Variants in ZC3H6 observed in about 807,000 individuals in gnomAD.
ZC3H6 encodes the protein zinc finger CCCH-type containing 6.
A neutral mutation model predicts 107.7 loss-of-function variants in ZC3H6; 40 were observed. The observed-to-expected ratio is 0.37, with a 90% CI of 0.29 to 0.48. The LOEUF (loss-of-function observed/expected upper bound fraction) is 0.48, where lower values mean the gene tolerates loss of function less well. Ranked by LOEUF, ZC3H6 falls within the 20% of genes least tolerant of loss-of-function variation. The probability of loss-of-function intolerance (pLI) is 0.98; values close to 1 mark genes in which losing one functional copy is unlikely to be tolerated. For synonymous variants in ZC3H6, 493 were observed against 487.9 expected (o/e 1.01, Z -0.14); for missense variants, 1,267 against 1,410.4 (o/e 0.90, Z 1.63).
intron 11 of ZC3H6, among the ~76,000 whole-genome samples, chr2:112,326,600 C>G (rs1019712906): frequency 6.6e-6 from 1 of 151,882 alleles, no homozygotes; most frequent in Non-Finnish European, 1.5e-5. Flanking sequence ...TTTTCTTTAT[C>G]CATTGTCTGT....
chr2:112,328,938 CA>C (rs11317176), intron 11 of ZC3H6, among the ~76,000 whole-genome samples: 62,095 of 115,064 alleles, frequency 0.54, 14,224 homozygotes, highest in East Asian at 0.75. Flanking sequence ...GACTCTGTCT[CA>C]AAAAAAAAAA....
chr2:112,278,282 T>C (rs1686464906), intron 1 of ZC3H6, among the ~76,000 whole-genome samples: 1 of 152,246 alleles, frequency 6.6e-6, no homozygotes, highest in South Asian at 2.1e-4. Context: ...TGAAACTTGG[T>C]ATATGGAGCT....
In ZC3H6 at chr2:112,324,275, A is replaced by G; in HGVS notation, c.1464A>G (p.Gly488=). ...SPGPGPNMSQ[G]HSSPVMHPGS... Reference sequence around the variant, plus strand: ...GTCCTGGACCTAACATGTCTCAGGGACACAGTAGTCCTGTGATGCACCCAG... The same window carrying G: ...GTCCTGGACCTAACATGTCTCAGGGGCACAGTAGTCCTGTGATGCACCCAG... The change falls in exon 10 of 12, where the codon GGA becomes GGG. Residue 488 remains glycine, a synonymous_variant. Transcript: ENST00000409871. The G allele has an allele frequency of 6.2e-7, 1 of 1,613,976 alleles. No homozygotes were observed.
chr2:112,311,392 T>TAA (rs1419028710), intron 4 of ZC3H6, among the ~76,000 whole-genome samples: 1 of 152,334 alleles, frequency 6.6e-6, no homozygotes, highest in South Asian at 2.1e-4. Context: ...TTCCTGGAGA[T>TAA]ATATGTGTAT....
At chr2:112,276,393 C>T (rs1227381812) in intron 1 of ZC3H6, among the ~76,000 whole-genome samples, 1 of 151,810 alleles carries the variant, frequency 6.6e-6, no homozygotes, top group East Asian at 1.9e-4. Context: ...CAGATAGGAC[C>T]AGCCAGGAAT....
rs905065630 is a variant in ZC3H6 at position 112,338,657 on chromosome 2, T to A, written c.*6169T>A. ...CCATACTTCTTGGCTCATTACTGAT[T>A]TTAATACCTTCATGAGAGTATTAAG... On this transcript the variant is annotated 3_prime_UTR_variant, in exon 12 of 12. Coordinates refer to ENST00000409871, the MANE Select transcript of ZC3H6 (RefSeq NM_198581.3). 6.6e-6 allele frequency: 1 copy of A among 151,962 alleles called. No individual in the cohort carries two copies. Among genetic ancestry groups the A allele is most frequent in the Non-Finnish European group, 1.5e-5 (1 of 67,978 alleles). 9.4% of individuals were successfully genotyped at this position (151,962 alleles called of 1,614,324 possible).
rs565501945 is a variant in ZC3H6 at position 112,331,669 on chromosome 2, A to C, written c.2751A>C (p.Thr917=). 1.9e-6 allele frequency: 3 copies of C among 1,613,972 alleles called. No homozygotes were observed. In the East Asian group the frequency reaches 6.7e-5, roughly 36 times the overall value. The change falls in exon 12 of 12, where the codon ACA becomes ACC. Residue 917 remains threonine (T), a synonymous_variant. Coordinates refer to ENST00000409871, the MANE Select transcript of ZC3H6 (RefSeq NM_198581.3). The part of the protein sequence containing the change: ...ADQRLNRLWN[T]KSDLHQNTVS... Reference sequence around the variant, plus strand: ...AGAGGCTAAATAGATTATGGAATACAAAAAGTGATCTTCATCAAAATACAG... The same window carrying C: ...AGAGGCTAAATAGATTATGGAATACCAAAAGTGATCTTCATCAAAATACAG...
At position 112,331,968 on chromosome 2, in the gene ZC3H6, G is replaced by A; in HGVS notation, c.3050G>A (p.Gly1017Asp). The change falls in exon 12 of 12, where the codon GGT becomes GAT. Residue 1017 changes from glycine to aspartate, a missense_variant. Around this residue, in one of 3 missense-constraint regions of ZC3H6, gnomAD observed 925 missense variants for 1,025.7 expected, o/e 0.90. Transcript: ENST00000409871. ...TCAGGGGCAGGAACTAGCAATTCTG[G>A]TTCCGGGGCTCTGCCTCCATATGCC... is the stretch of plus-strand genomic sequence containing the variant. ...QPSGAGTSNS[G>D]SGALPPYAPK... 1.2e-6 allele frequency: 2 copies of A among 1,613,950 alleles called. No homozygotes were observed. Among genetic ancestry groups the A allele is most frequent in the Non-Finnish European group, 1.7e-6 (2 of 1,179,908 alleles).
chr2:112,330,120 T>G (rs1051881331), intron 11 of ZC3H6, among the ~76,000 whole-genome samples: 1 of 151,594 alleles, frequency 6.6e-6, no homozygotes, highest in Non-Finnish European at 1.5e-5. Context: ...TGGCTAGATC[T>G]CAGCTCACTG....
rs1330287713 is a variant in ZC3H6 at position 112,338,912 on chromosome 2, T to A, written c.*6424T>A. The A allele has an allele frequency of 2.7e-5, 3 of 109,602 alleles. No individual in the cohort carries two copies. Among genetic ancestry groups the A allele is most frequent in the African/African-American group, 6.0e-5 (2 of 33,306 alleles). The allele number at this position is 109,602 out of a possible 1,614,324, so 6.8% of individuals were successfully genotyped here. A position where few individuals can be genotyped will look rare whatever the true frequency, so the allele number is the denominator to read the frequency against. On this transcript the variant is annotated 3_prime_UTR_variant, in exon 12 of 12. Coordinates refer to ENST00000409871, the MANE Select transcript of ZC3H6 (RefSeq NM_198581.3). ...ATATATATATATATATATATATATA[T>A]AATTTTTTTTTTTTGAGACGGAGTC... is the stretch of plus-strand genomic sequence containing the variant.
intron 5 of ZC3H6, among the ~76,000 whole-genome samples, chr2:112,313,206 A>G (rs575702516): frequency 1.3e-5 from 2 of 152,150 alleles, no homozygotes; most frequent in South Asian, 4.2e-4. Flanking sequence ...TTTTCCCTAC[A>G]CACCTACTAA....
intron 1 of ZC3H6, among the ~76,000 whole-genome samples, chr2:112,295,559 CCTT>C (rs1323611226): frequency 1.3e-5 from 2 of 152,146 alleles, no homozygotes; most frequent in East Asian, 3.8e-4. Context: ...CATGGAGTCT[CCTT>C]CTCTTTCCAT....
At chr2:112,302,081 A>C (rs1035673855) in intron 2 of ZC3H6, among the ~76,000 whole-genome samples, 1 of 152,068 alleles carries the variant, frequency 6.6e-6, no homozygotes, top group Admixed American at 6.5e-5. Flanking sequence ...CCCTACCAAG[A>C]AACACAAGGA....
chr2:112,322,306 C>A (rs1333621326), intron 8 of ZC3H6, among the ~76,000 whole-genome samples: 1 of 151,950 alleles, frequency 6.6e-6, no homozygotes, highest in Non-Finnish European at 1.5e-5. Flanking sequence ...GCAACCTCCA[C>A]ACCCTGCTCC....
intron 11 of ZC3H6, among the ~76,000 whole-genome samples, chr2:112,326,422 T>G (rs1217271099): frequency 6.6e-6 from 1 of 152,176 alleles, no homozygotes; most frequent in Non-Finnish European, 1.5e-5. Context: ...ATGAGTTCAA[T>G]TGTTTTAATT....
At chr2:112,330,309 T>G (rs1573966946) in intron 11 of ZC3H6, among the ~76,000 whole-genome samples, 1 of 152,122 alleles carries the variant, frequency 6.6e-6, no homozygotes, top group East Asian at 1.9e-4. Context: ...CACCTCGGCC[T>G]CCCAAAGTGC....
chr2:112,282,322 C>T (rs1686543281), intron 1 of ZC3H6, among the ~76,000 whole-genome samples: 1 of 152,178 alleles, frequency 6.6e-6, no homozygotes, highest in African/African-American at 2.4e-5. Context: ...AACACAGTGG[C>T]CCTGCTTTAG....
chr2:112,329,070 AGTT>A (rs1371894092), intron 11 of ZC3H6, among the ~76,000 whole-genome samples: 1 of 152,074 alleles, frequency 6.6e-6, no homozygotes, highest in Non-Finnish European at 1.5e-5. Context: ...GTTCTATGGG[AGTT>A]GTTGGCTCTG....
intron 1 of ZC3H6, among the ~76,000 whole-genome samples, chr2:112,283,188 T>G (rs1418199324): frequency 6.6e-6 from 1 of 152,172 alleles, no homozygotes; most frequent in African/African-American, 2.4e-5. Context: ...AGGTGGTATT[T>G]GACTGCTGCT....
Sources: gnomAD v4.1 joint callset for allele counts (sites outside exome capture counted in the v4.1 genomes callset) on GRCh38, gnomAD v4.1.1 for gene constraint, gnomAD v4.1.1 regional missense constraint, MANE v1.5 for transcripts, NCBI Gene and HGNC (gene_info 2026-07-23, HGNC 2026-07-21) for gene names.